The following GLCCI1 variants were observed in gnomAD, a reference collection of about 807,000 sequenced individuals.
GLCCI1 encodes glucocorticoid-induced transcript 1 protein.
A neutral mutation model predicts 52.2 loss-of-function variants in GLCCI1; 24 were observed. The ratio of observed to expected loss-of-function variants is 0.46; its 90% CI spans 0.33 to 0.65. GLCCI1 has a LOEUF of 0.65. Ranked by LOEUF, GLCCI1 falls within the 30% of genes least tolerant of loss-of-function variation. The probability of loss-of-function intolerance (pLI) is 0.02; values close to 1 mark genes in which losing one functional copy is unlikely to be tolerated. For synonymous variants in GLCCI1, 310 were observed against 276.5 expected (o/e 1.12, Z -1.20); for missense variants, 704 against 701.5 (o/e 1.00, Z -0.04).
chr7:8,035,960 C>T (rs1443386465), intron 3 of GLCCI1, among the ~76,000 whole-genome samples: 1 of 152,200 alleles, frequency 6.6e-6, no homozygotes, highest in Non-Finnish European at 1.5e-5. Flanking sequence ...GCTTTGTCCC[C>T]ATCAGGGGCT....
chr7:7,972,803 T>C (rs904199815), intron 1 of GLCCI1, among the ~76,000 whole-genome samples: 3 of 152,232 alleles, frequency 2.0e-5, no homozygotes, highest in African/African-American at 7.2e-5. Context: ...AATGATAATT[T>C]CCTTTATTTT....
intron 6 of GLCCI1, among the ~76,000 whole-genome samples, chr7:8,074,531 A>G (rs1291243975): frequency 6.6e-6 from 1 of 152,092 alleles, no homozygotes; most frequent in East Asian, 1.9e-4. Context: ...TAAAAATACA[A>G]AAAGTTAGCC....
intron 3 of GLCCI1, among the ~76,000 whole-genome samples, chr7:8,041,711 A>T (rs1295287033): frequency 6.6e-6 from 1 of 152,018 alleles, no homozygotes; most frequent in Non-Finnish European, 1.5e-5. Flanking sequence ...CTACCTGAGT[A>T]TCCCAAGTAG....
chr7:8,038,028 T>A (rs1781906575), intron 3 of GLCCI1, among the ~76,000 whole-genome samples: 1 of 152,186 alleles, frequency 6.6e-6, no homozygotes, highest in African/African-American at 2.4e-5. Flanking sequence ...AATTGGACTC[T>A]AGATCAAATG....
intron 1 of GLCCI1, chr7:7,980,850 G>A: frequency 3.0e-6 from 2 of 659,776 alleles, no homozygotes; most frequent in Non-Finnish European, 2.8e-6. Context: ...ACCATATCAG[G>A]ATATCAGGAT....
At chr7:7,977,681 T>A (rs780308744) in intron 1 of GLCCI1, among the ~76,000 whole-genome samples, 2 of 152,172 alleles carry the variant, frequency 1.3e-5, no homozygotes, top group Middle Eastern at 3.2e-3. Context: ...GGGAAAAGAT[T>A]GAGCTATTTA....
chr7:8,038,729 G>C (rs1471263906), intron 3 of GLCCI1, among the ~76,000 whole-genome samples: 1 of 152,076 alleles, frequency 6.6e-6, no homozygotes, highest in African/African-American at 2.4e-5. Context: ...TTATGAGTAA[G>C]ATCTCAAAAG....
intron 4 of GLCCI1, chr7:8,055,910 A>G (rs560587313): frequency 1.2e-5 from 2 of 161,982 alleles, no homozygotes; most frequent in Non-Finnish European, 2.7e-5. Flanking sequence ...GCAGAATGGT[A>G]TGAACCCGGG....
rs142353115 is a variant in GLCCI1 at position 7,980,963 on chromosome 7, G to T, written c.457+11156G>T. Reference sequence around the variant, plus strand: ...ACAAGGGAACAATTAAAGAGTGGTAGAGTTGACACAAATGAAGAAATTGAT... The same window carrying T: ...ACAAGGGAACAATTAAAGAGTGGTATAGTTGACACAAATGAAGAAATTGAT... On this transcript the variant is annotated intron_variant, in intron 1 of 7. Transcript: ENST00000223145. 1.9e-5 allele frequency: 11 copies of T among 579,698 alleles called. No individual in the cohort carries two copies. In the Admixed American group the frequency reaches 2.7e-4, roughly 14 times the overall value. 35.9% of individuals were successfully genotyped at this position (579,698 alleles called of 1,614,324 possible). A position where few individuals can be genotyped will look rare whatever the true frequency, so the allele number is the denominator to read the frequency against.
intron 2 of GLCCI1, among the ~76,000 whole-genome samples, chr7:8,006,696 C>T (rs543578395): frequency 5.0e-4 from 76 of 152,318 alleles, no homozygotes; most frequent in South Asian, 2.1e-3. Context: ...AAATAATCTT[C>T]ATATGGACCT....
intron 1 of GLCCI1, among the ~76,000 whole-genome samples, chr7:7,972,245 T>C (rs1270609462): frequency 6.6e-6 from 1 of 152,198 alleles, no homozygotes; most frequent in Non-Finnish European, 1.5e-5. Flanking sequence ...ATCACTATAC[T>C]GCATGAATGA....
intron 3 of GLCCI1, among the ~76,000 whole-genome samples, chr7:8,035,941 C>T (rs1781857363): frequency 6.6e-6 from 1 of 152,192 alleles, no homozygotes; most frequent in African/African-American, 2.4e-5. Context: ...GGTGGTTTAG[C>T]TCTACCCAGC....
At chr7:7,982,070 C>G in intron 1 of GLCCI1, 1 of 468,234 alleles carries the variant, frequency 2.1e-6, no homozygotes, top group Non-Finnish European at 4.3e-6. Context: ...AGACCGAACT[C>G]AGAACTGAAG....
In GLCCI1 at chr7:8,086,578, C is replaced by G. The variant is rs530025856; in HGVS notation, c.*40C>G. 6.8e-7 allele frequency: 1 copy of G among 1,475,158 alleles called. No individual in the cohort carries two copies. Among genetic ancestry groups the G allele is most frequent in the Middle Eastern group, 2.0e-4 (1 of 4,980 alleles). The allele number at this position is 1,475,158 out of a possible 1,614,324, so 91.4% of individuals were successfully genotyped here. ...GCCTCCACCCTATGTTCCATGGATTCGGAACAAGATTTCAGACATCTGCAT... is the reference window on the plus strand; with the variant it reads ...GCCTCCACCCTATGTTCCATGGATTGGGAACAAGATTTCAGACATCTGCAT... On this transcript the variant is annotated 3_prime_UTR_variant, in exon 8 of 8. Transcript: ENST00000223145. This position sits in a 1 kb window ranked among gnomAD's most constrained non-coding sequence, Gnocchi z 4.4.
intron 1 of GLCCI1, among the ~76,000 whole-genome samples, chr7:7,998,176 GTTTTTT>G (rs71014742): frequency 1.3e-3 from 187 of 143,736 alleles, no homozygotes; most frequent in African/African-American, 4.6e-3. Context: ...AGTTTTTTTT[GTTTTTT>G]TTTTTTTTTG....
chr7:8,060,051 C>T, intron 4 of GLCCI1, 45 bp from the exon 5 acceptor site: 1 of 1,540,268 alleles, frequency 6.5e-7, no homozygotes, highest in Non-Finnish European at 8.8e-7. Flanking sequence ...TTCTTGATTG[C>T]TTTGACCACA....
intron 5 of GLCCI1, among the ~76,000 whole-genome samples, chr7:8,061,444 G>T (rs1782511938): frequency 6.6e-6 from 1 of 151,958 alleles, no homozygotes; most frequent in African/African-American, 2.4e-5. Context: ...TATTTATTTA[G>T]ATCTTTTGCC....
chr7:7,969,759 A>C lies in GLCCI1; in HGVS notation c.409A>C (p.Arg137=). 2 of 1,480,308 alleles carry C rather than the reference A, an allele frequency of 1.4e-6. No individual in the cohort carries two copies. The highest frequency in any genetic ancestry group is 1.8e-6 in the Non-Finnish European group (2 of 1,119,696). The allele number at this position is 1,480,308 out of a possible 1,614,324, so 91.7% of individuals were successfully genotyped here. A position where few individuals can be genotyped will look rare whatever the true frequency, so the allele number is the denominator to read the frequency against. The part of the protein sequence containing the change: ...RPRRSPESHR[R]SSSPERRSPG... ...GAGACGGTCCCCAGAGAGCCACCGG[A>C]GGAGCAGCTCACCTGAGAGACGGAG... The change falls in exon 1 of 8, where the codon AGG becomes CGG. Residue 137 remains arginine (R), a synonymous_variant. Transcript: ENST00000223145. This position sits in a 1 kb window ranked among gnomAD's most constrained non-coding sequence, Gnocchi z 4.9.
intron 1 of GLCCI1, among the ~76,000 whole-genome samples, chr7:7,995,623 C>T (rs553067756): frequency 6.6e-6 from 1 of 152,204 alleles, no homozygotes; most frequent in African/African-American, 2.4e-5. Flanking sequence ...AAGCTGGAAA[C>T]CATCATTCTC....
Sources: gnomAD v4.1 joint callset for allele counts (sites outside exome capture counted in the v4.1 genomes callset) on GRCh38, gnomAD v4.1.1 for gene constraint, Gnocchi (gnomAD v3.1) non-coding constraint, MANE v1.5 for transcripts, NCBI Gene and HGNC (gene_info 2026-07-23, HGNC 2026-07-21) for gene names.